Variants in RGS7 observed in about 807,000 individuals in gnomAD.
The protein encoded by RGS7 is regulator of G-protein signaling 7.
RGS7 carries 27 observed loss-of-function variants against 81.1 expected under a neutral mutation model. The ratio of observed to expected loss-of-function variants is 0.33; its 90% CI spans 0.25 to 0.46. The LOEUF is 0.46. Among genes scored for constraint, RGS7 ranks in the 20% least tolerant of loss-of-function variants. The pLI is 1.00. For synonymous variants in RGS7, 208 were observed against 207.7 expected, an observed-to-expected ratio of 1.00 and a Z score of -0.01; for missense variants, 396 against 607.4, an observed-to-expected ratio of 0.65 and a Z score of 3.66.
At chr1:241,295,181 G>A (rs1391415108) in intron 2 of RGS7, among the ~76,000 whole-genome samples, 2 of 152,124 alleles carry the variant, frequency 1.3e-5, no homozygotes, top group African/African-American at 4.8e-5. Context: ...GGGTGCGGTG[G>A]CTCACGCCTG....
intron 4 of RGS7, among the ~76,000 whole-genome samples, chr1:240,982,029 T>C (rs2148554169): frequency 6.6e-6 from 1 of 152,334 alleles, no homozygotes; most frequent in Middle Eastern, 3.4e-3. Context: ...TATTGTTTTC[T>C]GTTTTCTCAG....
chr1:241,079,124 C>T (rs2062991156), intron 3 of RGS7, among the ~76,000 whole-genome samples: 1 of 152,288 alleles, frequency 6.6e-6, no homozygotes. Context: ...AACCGAGTTC[C>T]TATCTCTCTA....
intron 2 of RGS7, among the ~76,000 whole-genome samples, chr1:241,135,764 C>G (rs1224324895): frequency 6.6e-6 from 1 of 152,076 alleles, no homozygotes; most frequent in East Asian, 1.9e-4. Context: ...AAACTCTCTA[C>G]TACAATGTCA....
intron 9 of RGS7, among the ~76,000 whole-genome samples, chr1:240,859,440 G>GTTTTTTTTTTTTTTTTTTTTTTTTCTT (rs5782167): frequency 9.0e-6 from 1 of 110,828 alleles, no homozygotes; most frequent in African/African-American, 3.4e-5. Flanking sequence ...TTTCTTTCCT[G>GTTTTTTTTTTTTTTTTTTTTTTTTCTT]TTTTTTTTTT....
intron 3 of RGS7, among the ~76,000 whole-genome samples, chr1:241,033,916 G>A (rs999839314): frequency 6.6e-6 from 1 of 151,920 alleles, no homozygotes; most frequent in Non-Finnish European, 1.5e-5. Flanking sequence ...CCTTACCACA[G>A]AACTTCTCAC....
chr1:241,001,418 A>T (rs1572204469), intron 3 of RGS7, among the ~76,000 whole-genome samples: 1 of 152,224 alleles, frequency 6.6e-6, no homozygotes. Context: ...AAGGATAAAT[A>T]GTAAAATAGT....
intron 3 of RGS7, among the ~76,000 whole-genome samples, chr1:240,991,658 C>T (rs1458574306): frequency 6.6e-6 from 1 of 152,096 alleles, no homozygotes; most frequent in South Asian, 2.1e-4. Flanking sequence ...TTTTAAAGAC[C>T]ATTTTATATT....
At chr1:241,050,455 C>T (rs575384341) in intron 3 of RGS7, among the ~76,000 whole-genome samples, 3 of 152,048 alleles carry the variant, frequency 2.0e-5, no homozygotes, top group African/African-American at 7.2e-5. Flanking sequence ...ACTGAGGAGT[C>T]CAAGAATTCC....
intron 2 of RGS7, among the ~76,000 whole-genome samples, chr1:241,173,366 C>T (rs962471084): frequency 6.6e-6 from 1 of 152,176 alleles, no homozygotes. Flanking sequence ...TCAAATATCA[C>T]AATGTATGTA....
At chr1:240,974,996 A>G (rs982606915) in intron 4 of RGS7, among the ~76,000 whole-genome samples, 1 of 152,166 alleles carries the variant, frequency 6.6e-6, no homozygotes, top group African/African-American at 2.4e-5. Flanking sequence ...ATGTCTGCAA[A>G]GCTCATGACC....
intron 2 of RGS7, among the ~76,000 whole-genome samples, chr1:241,110,023 A>G (rs1249840279): frequency 1.3e-5 from 2 of 152,182 alleles, no homozygotes; most frequent in African/African-American, 4.8e-5. Flanking sequence ...TTAAACGTTA[A>G]GTTCTTTATT....
In RGS7 at chr1:240,983,141, A is replaced by G. The variant is rs1685176255; in HGVS notation, c.176-12T>C. On this transcript the variant is annotated splice_polypyrimidine_tract_variant and intron_variant, in intron 3 of 18. Coordinates refer to ENST00000440928, the MANE Select transcript of RGS7 (RefSeq NM_001364886.1). ...AACAATGTCTGAACCTAGAAAAAGA[A>G]AAAAGAAAAACACAAACAGATGTGA... The G allele has an allele frequency of 2.8e-6, 4 of 1,440,692 alleles. No homozygotes were observed. Among genetic ancestry groups the G allele is most frequent in the African/African-American group, 1.4e-5 (1 of 71,028 alleles). 89.2% of individuals were successfully genotyped at this position (1,440,692 alleles called of 1,614,324 possible).
At chr1:241,018,133 AT>A (rs34587479) in intron 3 of RGS7, among the ~76,000 whole-genome samples, 4,609 of 114,494 alleles carry the variant, frequency 0.04, 124 homozygotes, top group African/African-American at 0.11. Context: ...TGCCCAGCTA[AT>A]TTTTTTTTTT....
At chr1:241,082,762 T>C (rs946140965) in intron 3 of RGS7, among the ~76,000 whole-genome samples, 2 of 152,194 alleles carry the variant, frequency 1.3e-5, no homozygotes, top group African/African-American at 2.4e-5. Context: ...TTTAAAGTGA[T>C]GGATATCCCA....
chr1:241,216,461 TA>T (rs1249447841), intron 2 of RGS7, among the ~76,000 whole-genome samples: 11 of 152,170 alleles, frequency 7.2e-5, no homozygotes, highest in African/African-American at 2.7e-4. Flanking sequence ...AAAACGTTTT[TA>T]CCAACCCAAA....
At chr1:241,105,842 C>A (rs762812135) in intron 2 of RGS7, among the ~76,000 whole-genome samples, 1 of 152,208 alleles carries the variant, frequency 6.6e-6, no homozygotes, top group Non-Finnish European at 1.5e-5. Flanking sequence ...CTCTGCCTTA[C>A]AACCACCATT....
chr1:240,935,247 C>T (rs1256135654), intron 5 of RGS7, among the ~76,000 whole-genome samples: 1 of 152,020 alleles, frequency 6.6e-6, no homozygotes, highest in African/African-American at 2.4e-5. Context: ...TAAACCTTGT[C>T]TGTCTACTAC....
At chr1:241,287,266 T>C (rs4660061) in intron 2 of RGS7, among the ~76,000 whole-genome samples, 1 of 151,976 alleles carries the variant, frequency 6.6e-6, no homozygotes. Flanking sequence ...CCCACCCAAA[T>C]CTCATCTTGA....
chr1:240,876,946 T>C (rs1665524195), intron 6 of RGS7, among the ~76,000 whole-genome samples: 1 of 152,034 alleles, frequency 6.6e-6, no homozygotes, highest in African/African-American at 2.4e-5. Flanking sequence ...GGGCAACAGT[T>C]GAATGAGACT....
Sources: gnomAD v4.1 joint callset for allele counts (sites outside exome capture counted in the v4.1 genomes callset) on GRCh38, gnomAD v4.1.1 for gene constraint, MANE v1.5 for transcripts, NCBI Gene and HGNC (gene_info 2026-07-23, HGNC 2026-07-21) for gene names.